RYR3: variants seen among roughly 807,000 people sequenced by gnomAD.
RYR3 encodes the protein brain ryanodine receptor-calcium release channel.
A neutral mutation model predicts 584.3 loss-of-function variants in RYR3; 207 were observed. The ratio of observed to expected loss-of-function variants is 0.35; its 90% confidence interval spans 0.32 to 0.40. RYR3 has a LOEUF of 0.40. RYR3 is among the 10% of genes least tolerant of loss of function. The probability of loss-of-function intolerance (pLI) is 1.00; values close to 1 mark genes in which losing one functional copy is unlikely to be tolerated. For synonymous variants in RYR3, 2,416 were observed against 2,248.5 expected (o/e 1.07, Z -2.11); for missense variants, 5,616 against 6,089.2 (o/e 0.92, Z 2.59).
chr15:33,628,291 G>C (rs577582844), intron 20 of RYR3, among the ~76,000 whole-genome samples, 180 bp from the exon 21 acceptor site: 24 of 152,290 alleles, frequency 1.6e-4, no homozygotes, highest in African/African-American at 5.5e-4. Flanking sequence ...AAGGAGCAGA[G>C]AGGAAGCCAA....
At position 33,825,817 on chromosome 15, in the gene RYR3, C is replaced by T. The variant is rs1206408960; in HGVS notation, c.11146+141C>T. 7.1e-6 allele frequency: 4 copies of T among 566,638 alleles called. No individual in the cohort carries two copies. The East Asian group carries it at 1.2e-4, about 17-fold the overall frequency. The allele number at this position is 566,638 out of a possible 1,614,324, so 35.1% of individuals were successfully genotyped here. On this transcript the variant is annotated intron_variant, in intron 82 of 103. Transcript: ENST00000634891. Reference sequence around the variant, plus strand: ...GCGCGATCTCACCTCACTGCAACCTCTGTCTCCTGGGTTCAAGCACTTCTC... The same window carrying T: ...GCGCGATCTCACCTCACTGCAACCTTTGTCTCCTGGGTTCAAGCACTTCTC...
intron 38 of RYR3, among the ~76,000 whole-genome samples, chr15:33,670,815 G>A (rs1353737366): frequency 6.6e-6 from 1 of 152,124 alleles, no homozygotes; most frequent in Non-Finnish European, 1.5e-5. Context: ...GTTCTACTTA[G>A]AGGTGCCTGT....
chr15:33,697,753 C>A, intron 39 of RYR3, 129 bp from the exon 40 acceptor site: 1 of 622,224 alleles, frequency 1.6e-6, no homozygotes, highest in Non-Finnish European at 2.9e-6. Flanking sequence ...CTAGTGCTTT[C>A]TTATTATCTT....
chr15:33,435,875 G>C (rs2045676369), intron 1 of RYR3, among the ~76,000 whole-genome samples: 1 of 152,226 alleles, frequency 6.6e-6, no homozygotes, highest in Non-Finnish European at 1.5e-5. Context: ...GAACCCAAGT[G>C]AGTTGCCACT....
At chr15:33,859,112 C>T (rs995292851) in intron 99 of RYR3, 2 of 155,564 alleles carry the variant, frequency 1.3e-5, no homozygotes, top group African/African-American at 4.8e-5. Context: ...ACAGGAGGAG[C>T]AGAAAAGTCC....
intron 32 of RYR3, among the ~76,000 whole-genome samples, chr15:33,653,926 A>G (rs2062657083): frequency 6.6e-6 from 1 of 152,200 alleles, no homozygotes; most frequent in South Asian, 2.1e-4. Context: ...TCAGAAAGAA[A>G]CCTATGTAAC....
intron 48 of RYR3, among the ~76,000 whole-genome samples, chr15:33,731,908 A>G (rs1315997780): frequency 1.3e-5 from 2 of 152,050 alleles, no homozygotes; most frequent in African/African-American, 2.4e-5. Context: ...GGGAAGGGAG[A>G]GGGCACAGCT....
chr15:33,780,124 A>T, intron 64 of RYR3, 87 bp from the exon 65 acceptor site: 1 of 1,520,948 alleles, frequency 6.6e-7, no homozygotes, highest in Non-Finnish European at 8.9e-7. Flanking sequence ...ATGTCCATGG[A>T]TTAATCTATG....
intron 43 of RYR3, among the ~76,000 whole-genome samples, chr15:33,714,231 A>G (rs558308693): frequency 1.3e-5 from 2 of 152,308 alleles, no homozygotes; most frequent in Admixed American, 6.5e-5. Context: ...TGGTGGTATT[A>G]TTTAATCACT....
intron 1 of RYR3, among the ~76,000 whole-genome samples, chr15:33,445,385 G>A (rs1229428281): frequency 6.6e-6 from 1 of 152,124 alleles, no homozygotes; most frequent in Non-Finnish European, 1.5e-5. Context: ...TTCAGAGATG[G>A]AGGAGACAGG....
intron 37 of RYR3, 144 bp from the exon 38 acceptor site, chr15:33,670,275 T>C (rs1436273046): frequency 1.3e-6 from 1 of 799,552 alleles, no homozygotes; most frequent in Non-Finnish European, 2.0e-6. Context: ...AGGTAACTAT[T>C]CACGAGAATA....
chr15:33,852,804 G>A (rs1418434934), intron 94 of RYR3: 3 of 414,598 alleles, frequency 7.2e-6, no homozygotes, highest in African/African-American at 4.2e-5. Flanking sequence ...TCATAATTCT[G>A]AGGCAGAAAC....
chr15:33,587,195 A>C (rs553674562), intron 16 of RYR3, among the ~76,000 whole-genome samples: 1 of 152,346 alleles, frequency 6.6e-6, no homozygotes, highest in South Asian at 2.1e-4. Flanking sequence ...CGCTTTTCCA[A>C]ATGCAGCAAA....
chr15:33,798,084 T>TATTTA (rs2075724530), intron 67 of RYR3, among the ~76,000 whole-genome samples: 15 of 110,582 alleles, frequency 1.4e-4, no homozygotes, highest in African/African-American at 4.2e-4. Flanking sequence ...TCTGTCTGTC[T>TATTTA]TTTATTTATT....
intron 1 of RYR3, among the ~76,000 whole-genome samples, chr15:33,360,688 G>T (rs542714110): frequency 9.8e-5 from 15 of 152,344 alleles, no homozygotes; most frequent in Middle Eastern, 3.4e-3. Flanking sequence ...TGAAGAATTG[G>T]AGCCTTAGAG....
chr15:33,754,950 G>A (rs550225779), intron 57 of RYR3, 115 bp from the exon 58 acceptor site: 37 of 649,978 alleles, frequency 5.7e-5, no homozygotes, highest in African/African-American at 4.7e-4. Context: ...ATGTCACTAC[G>A]CCAGAATAAC....
At chr15:33,598,451 C>T (rs1235381597) in intron 16 of RYR3, among the ~76,000 whole-genome samples, 15 of 151,938 alleles carry the variant, frequency 9.9e-5, no homozygotes, top group Admixed American at 2.6e-4. Flanking sequence ...AAACTAACAA[C>T]GATCACACAA....
At chr15:33,746,678 C>T (rs182087615) in intron 53 of RYR3, among the ~76,000 whole-genome samples, 58 of 151,880 alleles carry the variant, frequency 3.8e-4, no homozygotes, top group Non-Finnish European at 6.8e-4. Context: ...TGCTTGAAAC[C>T]GGGAGGCAGA....
intron 1 of RYR3, among the ~76,000 whole-genome samples, chr15:33,335,722 TAA>T (rs548840408): frequency 1.0e-4 from 14 of 140,246 alleles, no homozygotes; most frequent in Admixed American, 3.6e-4. Flanking sequence ...AAAGAATAAT[TAA>T]AAAAAAAAAA....
Sources: gnomAD v4.1 joint callset for allele counts (sites outside exome capture counted in the v4.1 genomes callset) on GRCh38, gnomAD v4.1.1 for gene constraint, MANE v1.5 for transcripts, NCBI Gene and HGNC (gene_info 2026-07-23, HGNC 2026-07-21) for gene names.